GLMN: variants seen among roughly 807,000 people sequenced by gnomAD.
The protein encoded by GLMN is glomulin.
Under a neutral mutation model 87.8 loss-of-function variants are expected in GLMN, and 75 were observed. The observed-to-expected ratio is 0.85, with a 90% CI of 0.71 to 1.04. GLMN has a LOEUF of 1.04. Ranked by LOEUF, GLMN falls within the 50% of genes least tolerant of loss-of-function variation. The pLI, the probability that GLMN is intolerant of heterozygous loss-of-function variation, is 0.00. For synonymous variants in GLMN, 206 were observed against 221.6 expected (o/e 0.93, Z 0.63); for missense variants, 588 against 658.8 (o/e 0.89, Z 1.18).
At chr1:92,254,535 A>G (rs1653976143) in intron 16 of GLMN, among the ~76,000 whole-genome samples, 1 of 152,262 alleles carries the variant, frequency 6.6e-6, no homozygotes. Flanking sequence ...TGGGTTACCC[A>G]CAACGGGAAG....
At chr1:92,265,856 A>G (rs1655579786) in intron 13 of GLMN, among the ~76,000 whole-genome samples, 1 of 152,184 alleles carries the variant, frequency 6.6e-6, no homozygotes, top group African/African-American at 2.4e-5. Context: ...CCCATCCCCA[A>G]TACAAAGTCA....
chr1:92,300,231 T>C, upstream of GLMN: 1 of 1,608,860 alleles, frequency 6.2e-7, no homozygotes, highest in South Asian at 1.1e-5. Flanking sequence ...AAGAAGATGC[T>C]TCTAAAAGGT....
chr1:92,264,221 G>A (rs972478877), intron 14 of GLMN, among the ~76,000 whole-genome samples: 1 of 152,064 alleles, frequency 6.6e-6, no homozygotes, highest in Non-Finnish European at 1.5e-5. Flanking sequence ...GCTGAGTTGG[G>A]AGAACTGCTT....
At chr1:92,336,617 A>C in the GLMN span, among the ~76,000 whole-genome samples, 2 of 152,188 alleles carry the variant, frequency 1.3e-5, no homozygotes, top group Non-Finnish European at 2.9e-5. Context: ...TTATTTGCTC[A>C]AGCCATTATA....
chr1:92,246,492 A>C lies in GLMN; in HGVS notation c.*38T>G. On this transcript the variant is annotated 3_prime_UTR_variant, in exon 19 of 19. Coordinates refer to ENST00000370360, the MANE Select transcript of GLMN (RefSeq NM_053274.3). ...TATTAAATGAATCATAATGGAAAGTACTATATTTTATTAGTTTTTATTTAG... is the reference window on the plus strand; with the variant it reads ...TATTAAATGAATCATAATGGAAAGTCCTATATTTTATTAGTTTTTATTTAG... The C allele has an allele frequency of 1.1e-6, 1 of 890,942 alleles. No homozygotes were observed. Among genetic ancestry groups the C allele is most frequent in the Non-Finnish European group, 1.9e-6 (1 of 525,862 alleles). The allele number at this position is 890,942 out of a possible 1,614,324, so 55.2% of individuals were successfully genotyped here.
intron 16 of GLMN, among the ~76,000 whole-genome samples, chr1:92,248,903 C>G (rs1290304771): frequency 6.6e-6 from 1 of 151,958 alleles, no homozygotes; most frequent in Non-Finnish European, 1.5e-5. Flanking sequence ...GATCTAAAAC[C>G]CTCAAAAATA....
At chr1:92,356,062 C>CTGTT in the GLMN span, among the ~76,000 whole-genome samples, 1 of 152,146 alleles carries the variant, frequency 6.6e-6, no homozygotes, top group African/African-American at 2.4e-5. Flanking sequence ...TGTTTTAAAA[C>CTGTT]TGTTTTACTT....
intron 3 of GLMN, among the ~76,000 whole-genome samples, chr1:92,296,699 G>A (rs564065635): frequency 2.6e-4 from 39 of 152,306 alleles, no homozygotes; most frequent in African/African-American, 8.2e-4. Flanking sequence ...CCAGGAAAAA[G>A]TTATTCCTGA....
At position 92,266,458 on chromosome 1, in the gene GLMN, A is replaced by G. The variant is rs1315242950; in HGVS notation, c.1175T>C (p.Ile392Thr). 2 of 1,574,880 alleles carry G rather than the reference A, an allele frequency of 1.3e-6. No individual in the cohort carries two copies. Among genetic ancestry groups the G allele is most frequent in the Admixed American group, 1.7e-5 (1 of 59,818 alleles). ...KKSLAMLQLY[I>T]NKLDSQGKYT... The stretch of plus-strand genomic sequence containing the variant: ...TTTGCCTTGTGAATCCAACTTGTTA[A>G]TATACAGCTGAAGCATAGCTAAACT... Residue 392 changes from isoleucine (I) to threonine (T), a missense_variant, in exon 13 of 19, where the codon ATT (isoleucine) becomes ACT (threonine). By Grantham distance (89) the Ile-to-Thr change is moderately conservative (BLOSUM62 -1). Coordinates refer to ENST00000370360, the MANE Select transcript of GLMN (RefSeq NM_053274.3).
At chr1:92,258,479 A>G (rs1441493072) in intron 16 of GLMN, among the ~76,000 whole-genome samples, 1 of 152,240 alleles carries the variant, frequency 6.6e-6, no homozygotes, top group African/African-American at 2.4e-5. Context: ...CACTATTCAC[A>G]ATAGCAAAGA....
intron 11 of GLMN, among the ~76,000 whole-genome samples, chr1:92,267,290 A>G (rs1303183012): frequency 1.3e-5 from 2 of 152,216 alleles, no homozygotes; most frequent in African/African-American, 4.8e-5. Flanking sequence ...ATTTTCCAAG[A>G]TCCCTACAGA....
upstream of GLMN, chr1:92,299,042 G>A (rs1025014152): frequency 9.8e-6 from 13 of 1,329,464 alleles, no homozygotes; most frequent in South Asian, 1.7e-4. Flanking sequence ...AGACGCCGGA[G>A]CGTGTCCCCG....
chr1:92,340,839 T>G, the GLMN span, among the ~76,000 whole-genome samples: 1 of 152,182 alleles, frequency 6.6e-6, no homozygotes, highest in African/African-American at 2.4e-5. Flanking sequence ...GCAGTTTCCA[T>G]CAGAATCTGC....
At chr1:92,293,826 G>A (rs1649708588) in intron 3 of GLMN, among the ~76,000 whole-genome samples, 1 of 152,116 alleles carries the variant, frequency 6.6e-6, no homozygotes, top group Non-Finnish European at 1.5e-5. Flanking sequence ...TGGGACTGTA[G>A]ACCATTATGT....
intron 6 of GLMN, 85 bp from the exon 7 acceptor site, chr1:92,286,677 T>G: frequency 1.3e-6 from 1 of 761,130 alleles, no homozygotes; most frequent in South Asian, 1.4e-5. Flanking sequence ...TAATTTTACT[T>G]GAAAAATAAC....
At chr1:92,370,636 A>G in the GLMN span, among the ~76,000 whole-genome samples, 1 of 151,890 alleles carries the variant, frequency 6.6e-6, no homozygotes, top group African/African-American at 2.4e-5. Context: ...GTTTATTAGC[A>G]GTTTTGTGAA....
intron 7 of GLMN, among the ~76,000 whole-genome samples, chr1:92,275,271 G>A (rs1401970629): frequency 6.6e-6 from 1 of 152,056 alleles, no homozygotes; most frequent in Non-Finnish European, 1.5e-5. Flanking sequence ...CTAGAAATCT[G>A]AGGCCAGTGG....
At chr1:92,298,328 C>CAA (rs112083314) in intron 1 of GLMN, among the ~76,000 whole-genome samples, 1 of 150,428 alleles carries the variant, frequency 6.6e-6, no homozygotes, top group African/African-American at 2.4e-5. Flanking sequence ...GAAAAAAAAA[C>CAA]AAAAAAAACC....
the GLMN span, among the ~76,000 whole-genome samples, chr1:92,363,206 A>G: frequency 6.6e-6 from 1 of 152,202 alleles, no homozygotes; most frequent in African/African-American, 2.4e-5. Context: ...TGATAAGGGT[A>G]GGAAAGAGAT....
Sources: gnomAD v4.1 joint callset for allele counts (sites outside exome capture counted in the v4.1 genomes callset) on GRCh38, gnomAD v4.1.1 for gene constraint, MANE v1.5 for transcripts, NCBI Gene and HGNC (gene_info 2026-07-23, HGNC 2026-07-21) for gene names.